The following PRKD2 variants were observed in gnomAD, a reference collection of about 807,000 sequenced individuals.
The protein encoded by PRKD2 is protein kinase D2.
In PRKD2, 22 loss-of-function variants were observed where a neutral mutation model predicts 86.0. The ratio of observed to expected loss-of-function variants is 0.26; its 90% CI spans 0.18 to 0.37. PRKD2 has a LOEUF of 0.37. PRKD2 is among the 10% of genes least tolerant of loss of function. PRKD2 has a pLI of 1.00. For missense variants in PRKD2, 818 were observed against 1,199.2 expected, an observed-to-expected ratio of 0.68 and a Z score of 4.70; for synonymous variants, 509 against 510.9, an observed-to-expected ratio of 1.00 and a Z score of 0.05.
intron 15 of PRKD2, 72 bp downstream of exon 15, chr19:46,681,578 C>CCCCTT (rs1252102714): frequency 1.2e-6 from 1 of 806,802 alleles, no homozygotes; most frequent in Non-Finnish European, 2.0e-6. Flanking sequence ...TTAGTATAAT[C>CCCCTT]CCCTTCCCCA....
chr19:46,702,284 C>G (rs2053647919), intron 5 of PRKD2, among the ~76,000 whole-genome samples: 1 of 152,072 alleles, frequency 6.6e-6, no homozygotes, highest in South Asian at 2.1e-4. Context: ...AAGCAATCCA[C>G]CCACCTAAGC....
chr19:46,686,420 G>A (rs1282000551), intron 14 of PRKD2, among the ~76,000 whole-genome samples: 3 of 148,862 alleles, frequency 2.0e-5, no homozygotes, highest in South Asian at 2.1e-4. Context: ...AGGATCGCTC[G>A]AGCCCAGGAG....
At chr19:46,686,143 G>A (rs1039890922) in intron 14 of PRKD2, 2 of 152,086 alleles carry the variant, frequency 1.3e-5, no homozygotes, top group Non-Finnish European at 2.9e-5. Context: ...CCCACCAGAA[G>A]GAAGCCTTTC....
In PRKD2 at chr19:46,701,076, C is replaced by T. The variant is rs202009599; in HGVS notation, c.926G>A (p.Arg309His). 8.1e-6 allele frequency: 13 copies of T among 1,614,192 alleles called. No homozygotes were observed. Among genetic ancestry groups the T allele is most frequent in the South Asian group, 7.7e-5 (7 of 91,080 alleles). The part of the protein sequence containing the change: ...KFNCHKRCAT[R>H]VPNDCLGEAL... ...CTCCCCCAGGCAGTCATTAGGGACG[C>T]GGGTGGCGCAGCGTTTGTGACAGTT... is the stretch of plus-strand genomic sequence containing the variant. Residue 309 changes from arginine (R) to histidine (H), a missense_variant, in exon 6 of 18, where the codon CGC becomes CAC. This residue lies in a region of PRKD2 where 403 missense variants were observed against 518.6 expected (regional missense o/e 0.78). Coordinates refer to ENST00000291281, the MANE Select transcript of PRKD2 (RefSeq NM_016457.5).
rs2122669047 is a variant in PRKD2, at chr19:46,691,927, T to C, written c.1629+6A>G. The C allele has an allele frequency of 6.2e-7, 1 of 1,613,064 alleles. No homozygotes were observed. The highest frequency in any genetic ancestry group is 1.3e-5 in the African/African-American group (1 of 74,742). ...GGAGGGCATCAGGTGGGGGCAGGAG[T>C]CTCACCACATTCTCTTGGATCTGAC... On this transcript the variant is annotated splice_donor_region_variant and intron_variant, in intron 11 of 17. Transcript: ENST00000291281.
In PRKD2 at chr19:46,693,837, G is replaced by A. The variant is rs1356988265; in HGVS notation, c.1576+38C>T. On this transcript the variant is annotated intron_variant, in intron 10 of 17. Coordinates refer to ENST00000291281, the MANE Select transcript of PRKD2 (RefSeq NM_016457.5). The surrounding 1 kb of genome is among the most constrained non-coding windows in gnomAD (Gnocchi z 4.5). ...CCCAGAACCGTGCCCCACCCATCTA[G>A]ATCTATTCTCTCAAGGACCCGAGGT... is the stretch of plus-strand genomic sequence containing the variant. 5 of 1,557,992 alleles carry A rather than the reference G, an allele frequency of 3.2e-6. No homozygotes were observed. The African/African-American group carries it at 6.7e-5, about 21-fold the overall frequency.
At chr19:46,680,641 C>T (rs1285626140) in intron 15 of PRKD2, among the ~76,000 whole-genome samples, 1 of 151,602 alleles carries the variant, frequency 6.6e-6, no homozygotes, top group Non-Finnish European at 1.5e-5. Context: ...TCTATTTCCC[C>T]AACTGTTATA....
At chr19:46,702,336 G>A (rs541497021) in intron 5 of PRKD2, among the ~76,000 whole-genome samples, 1 of 152,140 alleles carries the variant, frequency 6.6e-6, no homozygotes, top group African/African-American at 2.4e-5. Flanking sequence ...TACTGCCCCT[G>A]ACCTGATTCC....
chr19:46,688,541 A>C (rs1024693217), intron 14 of PRKD2, among the ~76,000 whole-genome samples: 1 of 149,240 alleles, frequency 6.7e-6, no homozygotes, highest in Non-Finnish European at 1.5e-5. Flanking sequence ...GGCTCAAGGG[A>C]TTCTCCTGCC....
chr19:46,683,794 G>T (rs2053352151), intron 14 of PRKD2, among the ~76,000 whole-genome samples: 1 of 152,118 alleles, frequency 6.6e-6, no homozygotes, highest in African/African-American at 2.4e-5. Flanking sequence ...AAAACGCTTA[G>T]GATAGCTAAC....
chr19:46,674,849 C>CA, intron 17 of PRKD2, 114 bp from the exon 18 acceptor site: 1 of 1,254,972 alleles, frequency 8.0e-7, no homozygotes. Flanking sequence ...ATACCCTCTG[C>CA]AACCCACCCA....
chr19:46,700,826 T>C lies in PRKD2; in HGVS notation c.1094A>G (p.Glu365Gly). The C allele has an allele frequency of 1.9e-6, 3 of 1,614,184 alleles. No individual in the cohort carries two copies. The highest frequency in any genetic ancestry group is 1.7e-6 in the Non-Finnish European group (2 of 1,179,998). Residue 365 changes from glutamate (E) to glycine (G), a missense_variant, in exon 7 of 18, where the codon GAG (glutamate) becomes GGG (glycine). By Grantham distance (98) the Glu-to-Gly change is moderately conservative. Transcript: ENST00000291281. ...SENALHASEE[E>G]EGEGGKAQSS... ...CTGGGCCTTGCCTCCCTCGCCTTCC[T>C]CCTCCTCACTGGCGTGGAGCGCATT...
intron 14 of PRKD2, among the ~76,000 whole-genome samples, chr19:46,688,386 C>G (rs996868355): frequency 1.3e-5 from 2 of 151,366 alleles, no homozygotes; most frequent in Admixed American, 1.3e-4. Context: ...CTATCATTAC[C>G]GCTAGTCTAT....
At chr19:46,697,635 T>A in intron 8 of PRKD2, 98 bp downstream of exon 8, 2 of 1,151,794 alleles carry the variant, frequency 1.7e-6, no homozygotes, top group Non-Finnish European at 1.3e-6. Context: ...CGCTCGCGCC[T>A]AGCTCCAGCC....
chr19:46,680,946 A>ATATATATATATATATTTTT, intron 15 of PRKD2, among the ~76,000 whole-genome samples: 35 of 48,216 alleles, frequency 7.3e-4, no homozygotes, highest in South Asian at 1.1e-3. Flanking sequence ...ATATATATAT[A>ATATATATATATATATTTTT]TTTTTTTTTT....
intron 3 of PRKD2, chr19:46,710,605 C>T (rs957106261): frequency 5.5e-6 from 2 of 363,264 alleles, no homozygotes; most frequent in Non-Finnish European, 1.0e-5. Context: ...TGATAGAGGC[C>T]CCACCCTCTT....
At chr19:46,685,028 A>T (rs2053375004) in intron 14 of PRKD2, among the ~76,000 whole-genome samples, 1 of 151,804 alleles carries the variant, frequency 6.6e-6, no homozygotes, top group African/African-American at 2.4e-5. Context: ...TGGGAGGCTG[A>T]GGCGGGTGGA....
intron 10 of PRKD2, among the ~76,000 whole-genome samples, chr19:46,692,863 C>T (rs1317650403): frequency 6.6e-6 from 1 of 152,182 alleles, no homozygotes; most frequent in Non-Finnish European, 1.5e-5. Context: ...TCCTCCTCAT[C>T]CTCAAGTGTA....
chr19:46,691,925 A>G lies in PRKD2; in HGVS notation c.1629+8T>C. On this transcript the variant is annotated splice_region_variant and intron_variant, in intron 11 of 17. Transcript: ENST00000291281. ...GGGGAGGGCATCAGGTGGGGGCAGG[A>G]GTCTCACCACATTCTCTTGGATCTG... is the stretch of plus-strand genomic sequence containing the variant. 6.2e-7 allele frequency: 1 copy of G among 1,613,736 alleles called. No homozygotes were observed. Among genetic ancestry groups the G allele is most frequent in the Non-Finnish European group, 8.5e-7 (1 of 1,179,688 alleles).
Sources: allele counts gnomAD v4.1 joint callset (sites outside exome capture counted in the v4.1 genomes callset), GRCh38; gene constraint gnomAD v4.1.1; regional missense constraint gnomAD v4.1.1; non-coding constraint Gnocchi (gnomAD v3.1); transcripts MANE v1.5; gene names NCBI Gene and HGNC (gene_info 2026-07-23, HGNC 2026-07-21).